The following MAN2B1 variants were observed in gnomAD, a reference collection of about 807,000 sequenced individuals.
MAN2B1 encodes the protein mannosidase alpha class 2B member 1.
MAN2B1 carries 99 observed loss-of-function variants against 127.5 expected under a neutral mutation model. That is an observed-to-expected ratio of 0.78 (90% CI 0.66 to 0.92). The LOEUF is 0.92. MAN2B1 is among the 40% of genes least tolerant of loss of function. MAN2B1 has a pLI of 0.00. For missense variants in MAN2B1, 1,304 were observed against 1,384.8 expected, an observed-to-expected ratio of 0.94 and a Z score of 0.93; for synonymous variants, 573 against 568.8, an observed-to-expected ratio of 1.01 and a Z score of -0.11.
Position 12,655,968 on chromosome 19 carries a change from G to C in MAN2B1, c.1645-89C>G. 5 of 1,023,636 alleles carry C rather than the reference G, an allele frequency of 4.9e-6. No homozygotes were observed. The South Asian group carries it at 6.5e-5, about 13-fold the overall frequency. 63.4% of individuals were successfully genotyped at this position (1,023,636 alleles called of 1,614,324 possible). A position where few individuals can be genotyped will look rare whatever the true frequency, so the allele number is the denominator to read the frequency against. ...ACAAAAAACTCAAGGAAGGAAAAGA[G>C]TCCTGAGATGGGGAAAGGAAATGGA... On this transcript the variant is annotated intron_variant, in intron 13 of 23. Transcript: ENST00000456935.
chr19:12,649,424 C>G lies in MAN2B1; in HGVS notation c.2272G>C (p.Asp758His). 1.3e-6 allele frequency: 2 copies of G among 1,599,524 alleles called. No homozygotes were observed. Among genetic ancestry groups the G allele is most frequent in the Non-Finnish European group, 1.7e-6 (2 of 1,172,662 alleles). ...TTCAGTTTCCAGGTGGGTCGATAAT[C>G]CCGCCTGGGGTTGGGGGTGAGCTGA... ...NGREILERRRDYRPTWKLNQT... is the reference protein window; with the variant it reads ...NGREILERRRHYRPTWKLNQT... Residue 758 changes from aspartate (D) to histidine (H), a missense_variant, in exon 19 of 24, where the codon GAT becomes CAT. By Grantham distance (81) the Asp-to-His change is moderately conservative. Coordinates refer to ENST00000456935, the MANE Select transcript of MAN2B1 (RefSeq NM_000528.4).
intron 4 of MAN2B1, 143 bp downstream of exon 4, chr19:12,664,649 G>C (rs1186067351): frequency 1.3e-5 from 12 of 895,616 alleles, no homozygotes; most frequent in Non-Finnish European, 1.7e-6. Flanking sequence ...TGGCTTTACG[G>C]CTCACTCAAG....
In MAN2B1 at chr19:12,658,134, T is replaced by C. The variant is rs35836657; in HGVS notation, c.1238A>G (p.Asn413Ser). Reference sequence around the variant, plus strand: ...CAGGCCCACCAGCGCCTCCAGCTGGTTGCACACCTGGAGGCAGAGGGGTAT... The same window carrying C: ...CAGGCCCACCAGCGCCTCCAGCTGGCTGCACACCTGGAGGCAGAGGGGTAT... ...RLSYNFLQVC[N>S]QLEALVGLAA... The change falls in exon 10 of 24, where the codon AAC becomes AGC. Residue 413 changes from asparagine (N) to serine (S), a missense_variant. Transcript: ENST00000456935. 171,140 of 1,613,340 alleles carry C rather than the reference T, an allele frequency of 0.11. 10,669 individuals carry two copies. Among genetic ancestry groups the C allele is most frequent in the Non-Finnish European group, 0.12 (141,897 of 1,179,870 alleles).
Position 12,657,663 on chromosome 19 carries a change from A to T in MAN2B1, c.1310-108T>A, listed in dbSNP as rs1301981964. 3 of 976,582 alleles carry T rather than the reference A, an allele frequency of 3.1e-6. No individual in the cohort carries two copies. In the Admixed American group the frequency reaches 6.0e-5, roughly 19 times the overall value. The allele number at this position is 976,582 out of a possible 1,614,324, so 60.5% of individuals were successfully genotyped here. Reference sequence around the variant, plus strand: ...GGCAGGATTCTTAGAGGCTTTAAGAAGGAACTCGAGGACGGCTGGGGGCGG... The same window carrying T: ...GGCAGGATTCTTAGAGGCTTTAAGATGGAACTCGAGGACGGCTGGGGGCGG... On this transcript the variant is annotated intron_variant, in intron 10 of 23. Transcript: ENST00000456935.
In MAN2B1 at chr19:12,648,386, A is replaced by G. The variant is rs970921118; in HGVS notation, c.2453T>C (p.Leu818Pro). The change falls in exon 21 of 24, where the codon CTG becomes CCG. Residue 818 changes from leucine (L) to proline (P), a missense_variant. By Grantham distance (98) the Leu-to-Pro change is moderately conservative (BLOSUM62 -3). Transcript: ENST00000456935. ...CGATACTCCGCGTCCATCGTCCTTC[A>G]GCAGCCTTCGGTGCACCTGGGGGGA... ...SLELMVHRRL[L>P]KDDGRGVSEP... is the part of the protein sequence containing the mutation. 2.5e-6 allele frequency: 4 copies of G among 1,612,656 alleles called. No homozygotes were observed. Among genetic ancestry groups the G allele is most frequent in the Non-Finnish European group, 3.4e-6 (4 of 1,179,284 alleles).
intron 23 of MAN2B1, 185 bp from the exon 24 acceptor site, chr19:12,646,917 T>C: frequency 1.6e-6 from 1 of 621,332 alleles, no homozygotes; most frequent in South Asian, 1.9e-5. Context: ...AATGTCCTCA[T>C]ACCCTCAATC....
intron 13 of MAN2B1, chr19:12,656,333 G>A: frequency 1.9e-6 from 1 of 534,760 alleles, no homozygotes; most frequent in Non-Finnish European, 3.4e-6. Flanking sequence ...CTCCAGCCTG[G>A]GTGACAGAGC....
chr19:12,648,755 G>C (rs1489071737), intron 20 of MAN2B1, among the ~76,000 whole-genome samples: 5 of 150,612 alleles, frequency 3.3e-5, no homozygotes, highest in Non-Finnish European at 7.4e-5. Context: ...AGCACTTTGG[G>C]AGGCCGAGGT....
intron 7 of MAN2B1, 75 bp from the exon 8 acceptor site, chr19:12,658,585 G>T: frequency 8.3e-7 from 1 of 1,210,582 alleles, no homozygotes; most frequent in African/African-American, 1.5e-5. Flanking sequence ...ACACATGTGT[G>T]CACATTCATG....
At position 12,663,320 on chromosome 19, in the gene MAN2B1, G is replaced by A. The variant is rs749372996; in HGVS notation, c.906C>T (p.Ala302=). 17 of 1,614,154 alleles carry A rather than the reference G, an allele frequency of 1.1e-5. No homozygotes were observed. In the East Asian group the frequency reaches 3.3e-4, roughly 32 times the overall value. The part of the protein sequence containing the change: ...LVDYFLNVAT[A]QGRYYRTNHT... ...AGGTTCTGGACACCAGGGTTACCTG[G>A]GCAGTGGCCACATTTAGGAAGTAAT... The change falls in exon 6 of 24, where the codon GCC becomes GCT. Residue 302 remains alanine (A), a synonymous_variant. Coordinates refer to ENST00000456935, the MANE Select transcript of MAN2B1 (RefSeq NM_000528.4).
chr19:12,647,157 A>G lies in MAN2B1; in HGVS notation c.2923+76T>C. The stretch of plus-strand genomic sequence containing the variant: ...CTTTTTGGGTCCTGGCCAACATCCC[A>G]TGCCTCACACATTGCCCCCACCTGC... On this transcript the variant is annotated intron_variant, in intron 23 of 23. Coordinates refer to ENST00000456935, the MANE Select transcript of MAN2B1 (RefSeq NM_000528.4). The surrounding 1 kb of genome is among the most constrained non-coding windows in gnomAD (Gnocchi z 4.9). The G allele has an allele frequency of 7.4e-7, 1 of 1,353,562 alleles. No homozygotes were observed. The highest frequency in any genetic ancestry group is 2.3e-5 in the East Asian group (1 of 43,602). The allele number at this position is 1,353,562 out of a possible 1,614,324, so 83.8% of individuals were successfully genotyped here.
At chr19:12,652,623 C>T (rs1346828255) in intron 14 of MAN2B1, among the ~76,000 whole-genome samples, 163 bp from the exon 15 acceptor site, 1 of 151,400 alleles carries the variant, frequency 6.6e-6, no homozygotes, top group East Asian at 1.9e-4. Flanking sequence ...CCCCCACCTC[C>T]CGGGTTCAAG....
At chr19:12,663,217 A>T in intron 6 of MAN2B1, 100 bp downstream of exon 6, 1 of 1,466,876 alleles carries the variant, frequency 6.8e-7, no homozygotes, top group South Asian at 1.1e-5. Context: ...GTCTCAAAAA[A>T]ATTAAAAATA....
chr19:12,658,402 C>G (rs757209261), intron 8 of MAN2B1, 26 bp downstream of exon 8: 6 of 1,614,110 alleles, frequency 3.7e-6, no homozygotes, highest in African/African-American at 1.3e-5. Flanking sequence ...GCCAACCCCC[C>G]CAAGCTCCCC....
intron 20 of MAN2B1, among the ~76,000 whole-genome samples, chr19:12,648,614 CAG>C (rs1373727446): frequency 2.0e-5 from 3 of 152,198 alleles, no homozygotes; most frequent in Admixed American, 6.5e-5. Context: ...AAATGCCTAA[CAG>C]GGGGGCCTGG....
At chr19:12,660,489 G>A (rs1029470010) in intron 7 of MAN2B1, among the ~76,000 whole-genome samples, 2 of 152,150 alleles carry the variant, frequency 1.3e-5, no homozygotes, top group African/African-American at 4.8e-5. Flanking sequence ...GCGACAGAGC[G>A]AGACTCCGTC....
chr19:12,648,049 G>A, intron 21 of MAN2B1, 126 bp downstream of exon 21: 1 of 990,164 alleles, frequency 1.0e-6, no homozygotes, highest in Non-Finnish European at 1.5e-6. Flanking sequence ...GGATGGGGTT[G>A]GCCCGAGGGT....
Position 12,652,410 on chromosome 19 carries a change from C to T in MAN2B1, c.1881G>A (p.Met627Ile). 1 of 1,614,138 alleles carries T rather than the reference C, an allele frequency of 6.2e-7. No homozygotes were observed. Among genetic ancestry groups the T allele is most frequent in the Non-Finnish European group, 8.5e-7 (1 of 1,180,036 alleles). The stretch of plus-strand genomic sequence containing the variant: ...GCAGCAGGAGTTGCTGATTCATGTT[C>T]ATAATCTCCATCAACAGCCCTGTGT... ...DPDTGLLMEI[M>I]NMNQQLLLPV... Residue 627 changes from methionine (M) to isoleucine (I), a missense_variant, in exon 15 of 24, where the codon ATG (methionine) becomes ATA (isoleucine). By Grantham distance (10) the Met-to-Ile change is conservative. Transcript: ENST00000456935.
At position 12,664,849 on chromosome 19, in the gene MAN2B1, C is replaced by T. The variant is rs1347996248; in HGVS notation, c.573G>A (p.Val191=). Residue 191 remains valine, a synonymous_variant, in exon 4 of 24, where the codon GTG becomes GTA. Coordinates refer to ENST00000456935, the MANE Select transcript of MAN2B1 (RefSeq NM_000528.4). ...GGCCGAAGGGGTCAATGTGCCAGGC[C>T]ACACGGGGTCGCCCATCATTGCCAA... is the stretch of plus-strand genomic sequence containing the variant. ...DTFGNDGRPR[V]AWHIDPFGHS... 1 of 1,614,032 alleles carries T rather than the reference C, an allele frequency of 6.2e-7. No individual in the cohort carries two copies. Among genetic ancestry groups the T allele is most frequent in the Non-Finnish European group, 8.5e-7 (1 of 1,179,970 alleles).
Sources: allele counts gnomAD v4.1 joint callset (sites outside exome capture counted in the v4.1 genomes callset), GRCh38; gene constraint gnomAD v4.1.1; non-coding constraint Gnocchi (gnomAD v3.1); transcripts MANE v1.5; gene names NCBI Gene and HGNC (gene_info 2026-07-23, HGNC 2026-07-21).